IPO8: variants seen among roughly 807,000 people sequenced by gnomAD.
IPO8 encodes importin 8, also known as importin-8.
A neutral mutation model predicts 141.2 loss-of-function variants in IPO8; 65 were observed. The observed-to-expected ratio is 0.46, with a 90% CI of 0.38 to 0.57. IPO8 has a LOEUF of 0.57. Among genes scored for constraint, IPO8 ranks in the 20% least tolerant of loss-of-function variants. The pLI is 0.00. For synonymous variants in IPO8, 411 were observed against 420.3 expected (o/e 0.98, Z 0.27); for missense variants, 980 against 1,246.8 (o/e 0.79, Z 3.22).
Position 30,648,284 on chromosome 12 carries a change from C to A in IPO8, c.2268+853G>T, listed in dbSNP as rs543685701. Among the ~76,000 whole-genome samples the A allele has an allele frequency of 3.3e-5, 5 of 152,264 alleles. No homozygotes were observed. In the South Asian group the frequency reaches 1.0e-3, roughly 32 times the overall value. On this transcript the variant is annotated intron_variant, in intron 20 of 24. Transcript: ENST00000256079. ...CAATACACACTACCACACAGATGAA[C>A]CTTGAAAACCTATGACAAGTGAAAG...
chr12:30,675,340 A>G (rs538416846), intron 6 of IPO8, among the ~76,000 whole-genome samples: 29 of 152,318 alleles, frequency 1.9e-4, no homozygotes, highest in African/African-American at 6.3e-4. Flanking sequence ...ATTCTCAGTC[A>G]CTGCTTATTA....
At position 30,665,110 on chromosome 12, in the gene IPO8, C is replaced by T. The variant is rs1591835116; in HGVS notation, c.1428+110G>A. The T allele has an allele frequency of 2.5e-5, 16 of 650,464 alleles. No homozygotes were observed. The East Asian group carries it at 4.5e-4, about 18-fold the overall frequency. The allele number at this position is 650,464 out of a possible 1,614,324, so 40.3% of individuals were successfully genotyped here. On this transcript the variant is annotated intron_variant, in intron 13 of 24. Coordinates refer to ENST00000256079, the MANE Select transcript of IPO8 (RefSeq NM_006390.4). ...GACCATAGGCAGACATTCTAATTGA[C>T]TCTATTTCATCTCAATATGTGGCAA...
At chr12:30,684,518 T>A (rs1591845121) in intron 2 of IPO8, 61 bp from the exon 3 acceptor site, 1 of 1,536,212 alleles carries the variant, frequency 6.5e-7, no homozygotes, top group East Asian at 2.2e-5. Context: ...AATTCAGCCT[T>A]ACAGAGCATG....
intron 17 of IPO8, among the ~76,000 whole-genome samples, chr12:30,654,811 G>A (rs2052776844): frequency 6.6e-6 from 1 of 151,962 alleles, no homozygotes; most frequent in Non-Finnish European, 1.5e-5. Context: ...AAAAATTAAA[G>A]ATAGAACTAT....
intron 13 of IPO8, 32 bp downstream of exon 13, chr12:30,665,188 T>C (rs2052945005): frequency 1.7e-6 from 2 of 1,152,734 alleles, no homozygotes; most frequent in Non-Finnish European, 2.6e-6. Flanking sequence ...TATGAAGATT[T>C]AAGATACATA....
chr12:30,694,100 T>C (rs759436352), intron 1 of IPO8, among the ~76,000 whole-genome samples: 3 of 152,072 alleles, frequency 2.0e-5, no homozygotes, highest in Admixed American at 6.5e-5. Flanking sequence ...CCTGGCCTCA[T>C]TGTGAGAAGG....
At chr12:30,632,414 T>C (rs2052445803) in intron 23 of IPO8, among the ~76,000 whole-genome samples, 1 of 152,146 alleles carries the variant, frequency 6.6e-6, no homozygotes. Context: ...GGAAAAACCT[T>C]CCCCTAAGCC....
intron 16 of IPO8, among the ~76,000 whole-genome samples, chr12:30,658,876 CTTTT>C (rs11337753): frequency 1.1e-5 from 1 of 90,200 alleles, no homozygotes; most frequent in Non-Finnish European, 2.1e-5. Flanking sequence ...AGTATCAAGC[CTTTT>C]TTTTTTTTTT....
intron 2 of IPO8, among the ~76,000 whole-genome samples, chr12:30,685,449 G>A (rs1339815205): frequency 6.6e-6 from 1 of 151,344 alleles, no homozygotes; most frequent in African/African-American, 2.4e-5. Context: ...AGAATGTAAA[G>A]CTTTCTAACC....
chr12:30,651,563 A>T (rs912391599), intron 19 of IPO8, among the ~76,000 whole-genome samples: 1 of 151,146 alleles, frequency 6.6e-6, no homozygotes. Context: ...TTTCATATTT[A>T]TGTGTGTGTG....
chr12:30,655,255 C>CCT (rs1486683657), intron 17 of IPO8, among the ~76,000 whole-genome samples: 4 of 152,002 alleles, frequency 2.6e-5, no homozygotes. Context: ...CTGTGCTCTA[C>CCT]CTCTTCATCC....
At chr12:30,667,196 T>C (rs1411448242) in intron 10 of IPO8, among the ~76,000 whole-genome samples, 1 of 152,242 alleles carries the variant, frequency 6.6e-6, no homozygotes, top group East Asian at 1.9e-4. Context: ...AAGCATCTTG[T>C]ATTCTATGCT....
At chr12:30,641,741 G>A (rs1387337620) in intron 20 of IPO8, among the ~76,000 whole-genome samples, 3 of 152,004 alleles carry the variant, frequency 2.0e-5, no homozygotes, top group Non-Finnish European at 4.4e-5. Flanking sequence ...CCATTTCTTG[G>A]TAATAATGTT....
Position 30,630,882 on chromosome 12 carries a change from C to T in IPO8, c.3092G>A (p.Gly1031Glu), listed in dbSNP as rs1565490692. Residue 1031 changes from glycine (G) to glutamate (E), a missense_variant, in exon 25 of 25, where the codon GGG (glycine) becomes GAG (glutamate). Physicochemically the swap from Gly to Glu is moderately conservative, Grantham distance 98. Around this residue, in one of 3 missense-constraint regions of IPO8, gnomAD observed 924 missense variants for 1,153.9 expected, o/e 0.80. Coordinates refer to ENST00000256079, the MANE Select transcript of IPO8 (RefSeq NM_006390.4). ...CCTTCAGTTGTTGCTGGGCACAGTC[C>T]CAAAATTAAATGCGGAGAGGACTCC... ...NKGVLSAFNFGTVPSNN is the reference protein window; with the variant it reads ...NKGVLSAFNFETVPSNN 3 of 1,613,454 alleles carry T rather than the reference C, an allele frequency of 1.9e-6. No individual in the cohort carries two copies. The African/African-American group carries it at 4.0e-5, about 22-fold the overall frequency.
At chr12:30,677,932 T>G (rs7974821) in intron 5 of IPO8, among the ~76,000 whole-genome samples, 5,981 of 151,642 alleles carry the variant, frequency 0.039, 374 homozygotes, top group African/African-American at 0.14. Context: ...GTCAGGAGTT[T>G]GAGACCAGCC....
chr12:30,684,421 C>T lies in IPO8; in HGVS notation c.203G>A (p.Trp68Ter), dbSNP rs117314414. The T allele has an allele frequency of 6.2e-7, 1 of 1,614,072 alleles. No individual in the cohort carries two copies. The highest frequency in any genetic ancestry group is 8.5e-7 in the Non-Finnish European group (1 of 1,180,006). Residue 68 changes from tryptophan (W) to a stop codon, truncating the protein, a stop_gained, in exon 3 of 25, where the codon TGG becomes TAG. Transcript: ENST00000256079. LOFTEE classifies it high-confidence loss of function. ...IYLKNMVTQY[W>*]PDREPPPGEA... ...TCCTGGTGGAGGTTCTCGATCTGGC[C>T]AGTATTGTGTCACCATGTTCTTCAG...
Position 30,665,838 on chromosome 12 carries a change from G to A in IPO8, c.1229C>T (p.Pro410Leu). Residue 410 changes from proline (P) to leucine (L), a missense_variant, in exon 12 of 25, where the codon CCA becomes CTA. By Grantham distance (98) the Pro-to-Leu change is moderately conservative. Around this residue, in one of 3 missense-constraint regions of IPO8, gnomAD observed 924 missense variants for 1,153.9 expected, o/e 0.80. Coordinates refer to ENST00000256079, the MANE Select transcript of IPO8 (RefSeq NM_006390.4). ...TTGATAACAGAATGCCATCATTTTT[G>A]GCAACACCTAAAGAAACAGAAGAAT... ...TAAKKRKEVL[P>L]KMMAFCYQIL... 1 of 1,607,250 alleles carries A rather than the reference G, an allele frequency of 6.2e-7. No individual in the cohort carries two copies. Among genetic ancestry groups the A allele is most frequent in the Non-Finnish European group, 8.5e-7 (1 of 1,174,304 alleles).
At position 30,695,728 on chromosome 12, in the gene IPO8, C is replaced by T. The variant is rs753858727; in HGVS notation, c.-81G>A. 35 of 1,324,766 alleles carry T rather than the reference C, an allele frequency of 2.6e-5. No individual in the cohort carries two copies. The highest frequency in any genetic ancestry group is 3.6e-5 in the Non-Finnish European group (34 of 946,502). The allele number at this position is 1,324,766 out of a possible 1,614,324, so 82.1% of individuals were successfully genotyped here. ...GTTTTCTTTTGACCCTCTCAGCCTC[C>T]TCTTCCGCGACCCCTGGATTACCTC... is the stretch of plus-strand genomic sequence containing the variant. On this transcript the variant is annotated 5_prime_UTR_variant, in exon 1 of 25. Transcript: ENST00000256079. The surrounding 1 kb of genome is among the most constrained non-coding windows in gnomAD (Gnocchi z 4.2).
rs138980303 is a variant in IPO8 at position 30,669,174 on chromosome 12, C to T, written c.1144+9G>A. On this transcript the variant is annotated intron_variant, in intron 10 of 24. Transcript: ENST00000256079. ...AGGAACTGATGAGAAATAAAACCAT[C>T]TCAATTACCAAATTTCATCCTTATA... is the stretch of plus-strand genomic sequence containing the variant. 6.6e-3 allele frequency: 8,768 copies of T among 1,321,362 alleles called. 31 individuals are homozygous for T. Among genetic ancestry groups the T allele is most frequent in the Non-Finnish European group, 8.3e-3 (7,835 of 941,344 alleles). 81.9% of individuals were successfully genotyped at this position (1,321,362 alleles called of 1,614,324 possible).
Sources: gnomAD v4.1 joint callset for allele counts (sites outside exome capture counted in the v4.1 genomes callset) on GRCh38, gnomAD v4.1.1 for gene constraint, gnomAD v4.1.1 regional missense constraint, Gnocchi (gnomAD v3.1) non-coding constraint, MANE v1.5 for transcripts, NCBI Gene and HGNC (gene_info 2026-07-23, HGNC 2026-07-21) for gene names.